Variants in ZYG11B observed in about 807,000 individuals in gnomAD.
ZYG11B encodes the protein protein zyg-11 homolog B.
A neutral mutation model predicts 82.4 loss-of-function variants in ZYG11B; 36 were observed. That is an observed-to-expected ratio of 0.44 (90% CI 0.33 to 0.58). The LOEUF (loss-of-function observed/expected upper bound fraction) is 0.58, where lower values mean the gene tolerates loss of function less well. Among genes scored for constraint, ZYG11B ranks in the 20% least tolerant of loss-of-function variants. ZYG11B has a pLI of 0.02. For missense variants in ZYG11B, 552 were observed against 895.6 expected (o/e 0.62, Z 4.90); for synonymous variants, 303 against 312.8 (o/e 0.97, Z 0.33).
intron 4 of ZYG11B, among the ~76,000 whole-genome samples, chr1:52,782,050 G>C (rs769728093): frequency 6.6e-6 from 1 of 151,834 alleles, no homozygotes; most frequent in African/African-American, 2.4e-5. Flanking sequence ...AAGAATATAG[G>C]CTATTTATTT....
chr1:52,807,950 C>T (rs1645154168), intron 10 of ZYG11B, among the ~76,000 whole-genome samples: 1 of 152,214 alleles, frequency 6.6e-6, no homozygotes, highest in South Asian at 2.1e-4. Flanking sequence ...ATTGACATTG[C>T]TTTAAAGATA....
At chr1:52,781,972 G>T (rs984725811) in intron 4 of ZYG11B, among the ~76,000 whole-genome samples, 1 of 151,804 alleles carries the variant, frequency 6.6e-6, no homozygotes, top group Non-Finnish European at 1.5e-5. Context: ...AGCAACAGAA[G>T]ACTAGATCTC....
At position 52,771,856 on chromosome 1, in the gene ZYG11B, A is replaced by G. The variant is rs1204762415; in HGVS notation, c.951+82A>G. 3 of 1,444,730 alleles carry G rather than the reference A, an allele frequency of 2.1e-6. No individual in the cohort carries two copies. Among genetic ancestry groups the G allele is most frequent in the Non-Finnish European group, 2.8e-6 (3 of 1,068,728 alleles). 89.5% of individuals were successfully genotyped at this position (1,444,730 alleles called of 1,614,324 possible). On this transcript the variant is annotated intron_variant, in intron 3 of 13. Transcript: ENST00000294353. This position sits in a 1 kb window ranked among gnomAD's most constrained non-coding sequence, Gnocchi z 5.4. ...GACTCTATTAAAGATGAATGTCTGT[A>G]ATATATGGAACATGTTCATGAAACA...
rs747731353 is a variant in ZYG11B at position 52,788,731 on chromosome 1, AAAAC to A, written c.1270-1256_1270-1253del. On this transcript the variant is annotated intron_variant, in intron 5 of 13. Coordinates refer to ENST00000294353, the MANE Select transcript of ZYG11B (RefSeq NM_024646.3). ...GGTGACAGAGCGAGACCCTGTCTCA[AAAAC>A]AAACAAACAAACAAAAACTAAGAAG... Among the ~76,000 whole-genome samples, 27 of 152,292 alleles carry A rather than the reference AAAAC, an allele frequency of 1.8e-4. No homozygotes were observed. In the East Asian group the frequency reaches 4.0e-3, roughly 23 times the overall value.
At chr1:52,796,519 A>G in intron 7 of ZYG11B, 128 bp downstream of exon 7, 1 of 950,460 alleles carries the variant, frequency 1.1e-6, no homozygotes, top group Non-Finnish European at 1.6e-6. Flanking sequence ...TTCAAGCTAC[A>G]TTCGATATTG....
In ZYG11B at chr1:52,816,607, G is replaced by C; in HGVS notation, c.2022G>C (p.Met674Ile). The C allele has an allele frequency of 6.2e-7, 1 of 1,610,666 alleles. No homozygotes were observed. The highest frequency in any genetic ancestry group is 1.7e-5 in the Admixed American group (1 of 59,254). ...PGVQLWAVWA[M>I]QHVCSKNPSR... is the part of the protein sequence containing the mutation. ...TTCAGCTATGGGCAGTTTGGGCCAT[G>C]CAACATGTCTGCAGCAAGAATCGTA... Residue 674 changes from methionine to isoleucine, a missense_variant, in exon 13 of 14, where the codon ATG becomes ATC. This residue lies in a region of ZYG11B where 127 missense variants were observed against 163.4 expected (regional missense o/e 0.78). Coordinates refer to ENST00000294353, the MANE Select transcript of ZYG11B (RefSeq NM_024646.3).
At position 52,790,195 on chromosome 1, in the gene ZYG11B, T is replaced by G. The variant is rs185754026; in HGVS notation, c.1334+128T>G. ...TGAATAGATAGAATTGTGGGTTATTTTATAGAATGCTAAATCTACTTTCTT... is the reference window on the plus strand; with the variant it reads ...TGAATAGATAGAATTGTGGGTTATTGTATAGAATGCTAAATCTACTTTCTT... On this transcript the variant is annotated intron_variant, in intron 6 of 13. Coordinates refer to ENST00000294353, the MANE Select transcript of ZYG11B (RefSeq NM_024646.3). The G allele has an allele frequency of 4.6e-4, 264 of 574,612 alleles. No individual in the cohort carries two copies. In the African/African-American group the frequency reaches 4.6e-3, roughly 10 times the overall value. The allele number at this position is 574,612 out of a possible 1,614,324, so 35.6% of individuals were successfully genotyped here.
At chr1:52,727,507 T>A (rs1265960474) in intron 1 of ZYG11B, among the ~76,000 whole-genome samples, 1 of 152,212 alleles carries the variant, frequency 6.6e-6, no homozygotes. Context: ...GAATTTTTTT[T>A]ATTTTGAGCA....
At chr1:52,802,401 G>C (rs1043572206) in intron 10 of ZYG11B, among the ~76,000 whole-genome samples, 3 of 136,654 alleles carry the variant, frequency 2.2e-5, no homozygotes, top group African/African-American at 8.4e-5. Flanking sequence ...AGGCTGGAGT[G>C]CAGTGGTGTG....
At chr1:52,728,252 G>T (rs959582174) in intron 1 of ZYG11B, among the ~76,000 whole-genome samples, 1 of 152,178 alleles carries the variant, frequency 6.6e-6, no homozygotes, top group African/African-American at 2.4e-5. Flanking sequence ...TACACAGAAA[G>T]AGTGAGTTTG....
intron 4 of ZYG11B, among the ~76,000 whole-genome samples, chr1:52,783,378 C>T (rs1644873106): frequency 6.6e-6 from 1 of 151,786 alleles, no homozygotes; most frequent in Non-Finnish European, 1.5e-5. Flanking sequence ...TGATCCAGTA[C>T]AGAATAAAAA....
chr1:52,734,006 G>GT (rs1571737619), intron 1 of ZYG11B, among the ~76,000 whole-genome samples: 1 of 151,186 alleles, frequency 6.6e-6, no homozygotes. Flanking sequence ...TTTTTGTTTT[G>GT]TTTTTTCATA....
chr1:52,779,159 G>C lies in ZYG11B; in HGVS notation c.952-694G>C, dbSNP rs562134379. On this transcript the variant is annotated intron_variant, in intron 3 of 13. Transcript: ENST00000294353. The stretch of plus-strand genomic sequence containing the variant: ...GAGGACATTGTATGAGTGGTCCTTT[G>C]CTGAGAAAAAGCTTGACTTACGGAA... Among the ~76,000 whole-genome samples, 8 of 152,258 alleles carry C rather than the reference G, an allele frequency of 5.3e-5. No homozygotes were observed. The South Asian group carries it at 1.7e-3, about 32-fold the overall frequency.
At chr1:52,743,426 T>C (rs887289416) in intron 1 of ZYG11B, among the ~76,000 whole-genome samples, 2 of 80,958 alleles carry the variant, frequency 2.5e-5, no homozygotes, top group African/African-American at 1.0e-4. Flanking sequence ...AAAAAAAAAG[T>C]AAAAGTTCAT....
chr1:52,748,955 C>G (rs902478001), intron 1 of ZYG11B, among the ~76,000 whole-genome samples: 1 of 150,946 alleles, frequency 6.6e-6, no homozygotes, highest in Non-Finnish European at 1.5e-5. Flanking sequence ...AATCCCAGCA[C>G]TTTGGGAGGC....
intron 1 of ZYG11B, among the ~76,000 whole-genome samples, chr1:52,746,410 A>C (rs6670871): frequency 0.63 from 95,274 of 151,882 alleles, 31,899 homozygotes; most frequent in East Asian, 0.97. Context: ...TTCACAGATA[A>C]ACCAAGCAGA....
At chr1:52,797,702 G>A (rs1645038526) in intron 8 of ZYG11B, among the ~76,000 whole-genome samples, 2 of 149,970 alleles carry the variant, frequency 1.3e-5, no homozygotes, top group Non-Finnish European at 3.0e-5. Flanking sequence ...GTAGAGTCAG[G>A]GTTTCACCAT....
intron 10 of ZYG11B, among the ~76,000 whole-genome samples, chr1:52,803,964 A>T (rs1645120063): frequency 6.6e-6 from 1 of 152,052 alleles, no homozygotes; most frequent in South Asian, 2.1e-4. Flanking sequence ...ATCAGACTGG[A>T]CACAGTGACT....
Position 52,821,639 on chromosome 1 carries a change from G to T in ZYG11B, c.*10G>T. ...AGCCAGACTAAATTGATAGCCATAA[G>T]TATTGGATAGTTGAATCACAGGAAT... On this transcript the variant is annotated 3_prime_UTR_variant, in exon 14 of 14. Transcript: ENST00000294353. The T allele has an allele frequency of 1.3e-6, 2 of 1,597,352 alleles. No homozygotes were observed. The highest frequency in any genetic ancestry group is 1.7e-6 in the Non-Finnish European group (2 of 1,171,004).
Sources: gnomAD v4.1 joint callset for allele counts (sites outside exome capture counted in the v4.1 genomes callset) on GRCh38, gnomAD v4.1.1 for gene constraint, gnomAD v4.1.1 regional missense constraint, Gnocchi (gnomAD v3.1) non-coding constraint, MANE v1.5 for transcripts, NCBI Gene and HGNC (gene_info 2026-07-23, HGNC 2026-07-21) for gene names.